Variants in EXOG observed in about 807,000 individuals in gnomAD.
The protein encoded by EXOG is nuclease EXOG, mitochondrial.
In EXOG, 27 loss-of-function variants were observed where a neutral mutation model predicts 25.8. The observed-to-expected ratio is 1.05, with a 90% CI of 0.77 to 1.45. The LOEUF is 1.45. Ranked by LOEUF, EXOG falls within the 40% of genes most tolerant of loss-of-function variation. The pLI, the probability that EXOG is intolerant of heterozygous loss-of-function variation, is 0.00. For missense variants in EXOG, 458 were observed against 450.5 expected (o/e 1.02, Z -0.15); for synonymous variants, 133 against 167.0 (o/e 0.80, Z 1.57).
At chr3:38,517,222 C>T (rs994723536) in intron 5 of EXOG, among the ~76,000 whole-genome samples, 1 of 152,144 alleles carries the variant, frequency 6.6e-6, no homozygotes, top group Non-Finnish European at 1.5e-5. Flanking sequence ...GTTGACATTC[C>T]ACTGTTAGAG....
At chr3:38,512,418 T>C (rs1182607179) in intron 5 of EXOG, among the ~76,000 whole-genome samples, 2 of 152,198 alleles carry the variant, frequency 1.3e-5, no homozygotes, top group East Asian at 3.8e-4. Context: ...TTGGCACTTA[T>C]TTCTATATCT....
chr3:38,511,398 A>G (rs1235673086), intron 5 of EXOG, among the ~76,000 whole-genome samples: 2 of 152,234 alleles, frequency 1.3e-5, no homozygotes, highest in Non-Finnish European at 2.9e-5. Context: ...CCATAAAAAA[A>G]GGAATAACAT....
In EXOG at chr3:38,497,622, T is replaced by TTTTTTTG. The variant is rs1266726517; in HGVS notation, c.164-3_164-2insTTGTTTT. ...GCCCCCCCTTTTTTTTTTTTTTTCATTTTTAGGATCTGCAGAAAAGGCTGT... is the reference window on the plus strand; with the variant it reads ...GCCCCCCCTTTTTTTTTTTTTTTCATTTTTTTGTTTTAGGATCTGCAGAAAAGGCTGT... On this transcript the variant is annotated splice_region_variant and splice_polypyrimidine_tract_variant and intron_variant, in intron 1 of 5. Coordinates refer to ENST00000287675, the MANE Select transcript of EXOG (RefSeq NM_005107.4). The TTTTTTTG allele has an allele frequency of 6.4e-7, 1 of 1,553,264 alleles. No homozygotes were observed. The highest frequency in any genetic ancestry group is 8.6e-7 in the Non-Finnish European group (1 of 1,157,220).
In EXOG at chr3:38,524,960, G is replaced by T; in HGVS notation, c.*598G>T. On this transcript the variant is annotated 3_prime_UTR_variant, in exon 6 of 6. Coordinates refer to ENST00000287675, the MANE Select transcript of EXOG (RefSeq NM_005107.4). Reference sequence around the variant, plus strand: ...ATTTTTCCCTCTAGGACCTGAATTGGTCTTGGAGGCAGCTTTTAGAAATCC... The same window carrying T: ...ATTTTTCCCTCTAGGACCTGAATTGTTCTTGGAGGCAGCTTTTAGAAATCC... 4 of 985,476 alleles carry T rather than the reference G, an allele frequency of 4.1e-6. No individual in the cohort carries two copies. Among genetic ancestry groups the T allele is most frequent in the Non-Finnish European group, 4.8e-6 (4 of 830,008 alleles). 61.0% of individuals were successfully genotyped at this position (985,476 alleles called of 1,614,324 possible). A position where few individuals can be genotyped will look rare whatever the true frequency, so the allele number is the denominator to read the frequency against.
intron 5 of EXOG, among the ~76,000 whole-genome samples, chr3:38,515,205 C>G (rs1370581122): frequency 1.3e-5 from 2 of 152,188 alleles, no homozygotes; most frequent in African/African-American, 4.8e-5. Context: ...AAGATGCGCT[C>G]AGGAATCTTT....
chr3:38,515,934 C>T (rs1164567649), intron 5 of EXOG: 1 of 152,204 alleles, frequency 6.6e-6, no homozygotes, highest in Non-Finnish European at 1.5e-5. Flanking sequence ...GATAATTCTG[C>T]AGATGAATTT....
chr3:38,516,881 G>T (rs2060561554), intron 5 of EXOG, among the ~76,000 whole-genome samples: 1 of 152,090 alleles, frequency 6.6e-6, no homozygotes, highest in Non-Finnish European at 1.5e-5. Flanking sequence ...GTTTGCTCAT[G>T]ATTCATTATG....
chr3:38,510,171 G>A (rs2060324015), intron 5 of EXOG, among the ~76,000 whole-genome samples: 1 of 152,150 alleles, frequency 6.6e-6, no homozygotes, highest in African/African-American at 2.4e-5. Context: ...TACCCCAATT[G>A]AGAGACATTC....
At chr3:38,506,779 G>A (rs2060212070) in intron 4 of EXOG, 75 bp from the exon 5 acceptor site, 2 of 622,372 alleles carry the variant, frequency 3.2e-6, no homozygotes, top group African/African-American at 3.9e-5. Context: ...ATCTTTCATA[G>A]GAATTGATAT....
rs2060838185 is a variant in EXOG at position 38,525,042 on chromosome 3, G to A, written c.*680G>A. On this transcript the variant is annotated 3_prime_UTR_variant, in exon 6 of 6. Coordinates refer to ENST00000287675, the MANE Select transcript of EXOG (RefSeq NM_005107.4). ...ATTTGTTTCTTTTTTCTCCTCTCAT[G>A]AATCTGCTCGTTTCTCTACTTCTGT... 2 of 985,180 alleles carry A rather than the reference G, an allele frequency of 2.0e-6. No homozygotes were observed. Among genetic ancestry groups the A allele is most frequent in the African/African-American group, 1.7e-5 (1 of 57,214 alleles). 61.0% of individuals were successfully genotyped at this position (985,180 alleles called of 1,614,324 possible).
At chr3:38,497,486 G>A in intron 1 of EXOG, 143 bp from the exon 2 acceptor site, 1 of 1,356,064 alleles carries the variant, frequency 7.4e-7, no homozygotes, top group South Asian at 2.0e-5. Context: ...GAGATTTTCT[G>A]GTTGATTAGA....
chr3:38,509,398 C>T (rs2060300805), intron 5 of EXOG, among the ~76,000 whole-genome samples: 1 of 151,994 alleles, frequency 6.6e-6, no homozygotes, highest in African/African-American at 2.4e-5. Flanking sequence ...TGCCCAAATG[C>T]CGTAGTGGAA....
rs187641737 is a variant in EXOG at position 38,515,158 on chromosome 3, C to T, written c.645+8190C>T. Among the ~76,000 whole-genome samples the T allele has an allele frequency of 2.0e-3, 306 of 152,186 alleles. 2 individuals are homozygous for T. Among genetic ancestry groups the T allele is most frequent in the Admixed American group, 4.1e-3 (62 of 15,294 alleles). On this transcript the variant is annotated intron_variant, in intron 5 of 5. Transcript: ENST00000287675. ...AAGAGTCAATGGATGATAACCTTTC[C>T]GAGTCCTTGCATGTCTGAAAATGTC...
intron 3 of EXOG, among the ~76,000 whole-genome samples, chr3:38,502,699 C>T (rs1445916417): frequency 6.6e-6 from 1 of 152,182 alleles, no homozygotes; most frequent in Admixed American, 6.5e-5. Context: ...AGCTTTCCCA[C>T]ATGGTCCTAA....
chr3:38,519,063 C>G (rs1158607260), intron 5 of EXOG, among the ~76,000 whole-genome samples: 1 of 152,100 alleles, frequency 6.6e-6, no homozygotes, highest in East Asian at 1.9e-4. Flanking sequence ...TACTTGCTAG[C>G]ATGCAAAAAT....
rs755838055 is a variant in EXOG, at chr3:38,524,060, C to CT, written c.806dup (p.Gln270ProfsTer17). 5 of 1,614,182 alleles carry CT rather than the reference C, an allele frequency of 3.1e-6. No individual in the cohort carries two copies. The South Asian group carries it at 4.4e-5, about 14-fold the overall frequency. ...CCAGTTAACTGAATTCCAAGTGAGC[C>CT]TCCAGGACCTAGAGAAGTTGTCAGG... On this transcript the variant is annotated frameshift_variant, in exon 6 of 6. Transcript: ENST00000287675. LOFTEE classifies it low-confidence loss of function (END_TRUNC).
chr3:38,507,077 T>A, intron 5 of EXOG, 109 bp downstream of exon 5: 2 of 520,262 alleles, frequency 3.8e-6, no homozygotes, highest in Non-Finnish European at 3.4e-6. Flanking sequence ...TTTTGCATTC[T>A]ACTTTTTAAT....
intron 4 of EXOG, chr3:38,505,579 GC>G (rs1284741669): frequency 6.6e-6 from 1 of 152,148 alleles, no homozygotes; most frequent in East Asian, 1.9e-4. Flanking sequence ...ACTTATACCA[GC>G]CTATAAAAAT....
At chr3:38,508,209 C>T (rs1006913692) in intron 5 of EXOG, among the ~76,000 whole-genome samples, 1 of 152,044 alleles carries the variant, frequency 6.6e-6, no homozygotes, top group African/African-American at 2.4e-5. Context: ...GGAAGAAAAG[C>T]TTTTCTTCTA....
Sources: allele counts gnomAD v4.1 joint callset (sites outside exome capture counted in the v4.1 genomes callset), GRCh38; gene constraint gnomAD v4.1.1; transcripts MANE v1.5; gene names NCBI Gene and HGNC (gene_info 2026-07-23, HGNC 2026-07-21).